Variants in RBFOX2 observed in about 807,000 individuals in gnomAD.
RBFOX2 encodes RNA binding protein fox-1 homolog 2.
RBFOX2 carries 10 observed loss-of-function variants against 49.1 expected under a neutral mutation model. The observed-to-expected ratio is 0.20, with a 90% CI of 0.13 to 0.35. RBFOX2 has a LOEUF of 0.35. Ranked by LOEUF, RBFOX2 falls within the 10% of genes least tolerant of loss-of-function variation. The probability of loss-of-function intolerance (pLI) is 1.00; values close to 1 mark genes in which losing one functional copy is unlikely to be tolerated. For missense variants in RBFOX2, 323 were observed against 486.9 expected (o/e 0.66, Z 3.17); for synonymous variants, 183 against 187.4 (o/e 0.98, Z 0.19).
At chr22:36,025,574 A>C (rs2059400507) in intron 1 of RBFOX2, among the ~76,000 whole-genome samples, 1 of 152,178 alleles carries the variant, frequency 6.6e-6, no homozygotes, top group African/African-American at 2.4e-5. Context: ...TGCTTAATAA[A>C]TGTTAGTTCA....
chr22:35,755,360 G>A (rs920930718), intron 9 of RBFOX2, among the ~76,000 whole-genome samples: 6 of 152,138 alleles, frequency 3.9e-5, no homozygotes, highest in Non-Finnish European at 5.9e-5. Flanking sequence ...AACCAATCAT[G>A]GAACTTTAGT....
Position 35,782,152 on chromosome 22 carries a change from T to C in RBFOX2, c.253-406A>G, listed in dbSNP as rs572844587. Among the ~76,000 whole-genome samples, 276 of 152,346 alleles carry C rather than the reference T, an allele frequency of 1.8e-3. 3 individuals are homozygous for C. Among genetic ancestry groups the C allele is most frequent in the South Asian group, 0.017 (83 of 4,826 alleles). On this transcript the variant is annotated intron_variant, in intron 2 of 11. Transcript: ENST00000405409. ...AAATAGAGTCTGTTGTACTTAGTTA[T>C]GGAGGTCACTTCATTTTTTGGTCTA...
At chr22:36,027,060 C>A (rs2059466143) in intron 1 of RBFOX2, among the ~76,000 whole-genome samples, 1 of 137,052 alleles carries the variant, frequency 7.3e-6, no homozygotes, top group Non-Finnish European at 1.5e-5. Flanking sequence ...ACCCAAGTCA[C>A]CATCTTCTCT....
At chr22:36,011,604 C>T (rs1392718561) in intron 1 of RBFOX2, among the ~76,000 whole-genome samples, 2 of 152,096 alleles carry the variant, frequency 1.3e-5, no homozygotes, top group East Asian at 1.9e-4. Flanking sequence ...ATTACGTAGG[C>T]ACTGTCTCTA....
intron 1 of RBFOX2, among the ~76,000 whole-genome samples, chr22:35,849,519 A>G (rs918121276): frequency 6.6e-6 from 1 of 152,226 alleles, no homozygotes; most frequent in African/African-American, 2.4e-5. Context: ...TCATTCCACC[A>G]TAAAGCTTCA....
intron 1 of RBFOX2, among the ~76,000 whole-genome samples, chr22:35,984,695 CA>C (rs1177459814): frequency 6.6e-6 from 1 of 152,002 alleles, no homozygotes; most frequent in East Asian, 1.9e-4. Flanking sequence ...CTTTCTGTAT[CA>C]AAAATAGCTT....
intron 1 of RBFOX2, among the ~76,000 whole-genome samples, chr22:35,958,258 C>T (rs2055811510): frequency 6.6e-6 from 1 of 152,164 alleles, no homozygotes; most frequent in African/African-American, 2.4e-5. Flanking sequence ...GGACAAGTTA[C>T]TCACCTTTCT....
rs938510160 is a variant in RBFOX2 at position 35,786,540 on chromosome 22, G to GC, written c.253-4795dup. ...CAAGATACCAGAAGCACCCTGGGGG[G>GC]CCCCCACCAGTCACGGTTCCCCTGG... On this transcript the variant is annotated intron_variant, in intron 2 of 11. Transcript: ENST00000405409. Among the ~76,000 whole-genome samples the GC allele has an allele frequency of 2.6e-5, 4 of 152,112 alleles. No individual in the cohort carries two copies. The East Asian group carries it at 7.7e-4, about 29-fold the overall frequency.
chr22:35,985,936 ATAG>A (rs2057699988), intron 1 of RBFOX2, among the ~76,000 whole-genome samples: 2 of 151,940 alleles, frequency 1.3e-5, no homozygotes, highest in Non-Finnish European at 2.9e-5. Context: ...AGATAGATAG[ATAG>A]ATAGATAGAT....
intron 1 of RBFOX2, among the ~76,000 whole-genome samples, chr22:35,913,986 C>T (rs2149531098): frequency 6.6e-6 from 1 of 152,206 alleles, no homozygotes; most frequent in East Asian, 1.9e-4. Context: ...CATTTACTTG[C>T]TCTAGTAGCG....
At chr22:35,945,474 C>T (rs146089959) in intron 1 of RBFOX2, among the ~76,000 whole-genome samples, 2 of 152,238 alleles carry the variant, frequency 1.3e-5, no homozygotes, top group Non-Finnish European at 2.9e-5. Context: ...CTCACACTGT[C>T]GCCCAGGCTG....
At chr22:35,888,037 C>T (rs2046805210) in intron 1 of RBFOX2, among the ~76,000 whole-genome samples, 1 of 152,150 alleles carries the variant, frequency 6.6e-6, no homozygotes, top group Admixed American at 6.5e-5. Flanking sequence ...TGGCCTCATA[C>T]TACACAGAGT....
chr22:35,770,972 G>C (rs979639752), intron 4 of RBFOX2, among the ~76,000 whole-genome samples: 1 of 152,156 alleles, frequency 6.6e-6, no homozygotes, highest in Non-Finnish European at 1.5e-5. Context: ...TTTCCCTGGG[G>C]TGATAGGAGG....
At chr22:35,854,166 T>A (rs369336247) in intron 1 of RBFOX2, among the ~76,000 whole-genome samples, 1 of 152,108 alleles carries the variant, frequency 6.6e-6, no homozygotes, top group East Asian at 1.9e-4. Flanking sequence ...GAGCCGAGAC[T>A]GTGCCACTGC....
At chr22:35,978,121 G>A (rs540278062) in intron 1 of RBFOX2, among the ~76,000 whole-genome samples, 2 of 152,086 alleles carry the variant, frequency 1.3e-5, no homozygotes, top group Non-Finnish European at 2.9e-5. Context: ...GCTACACTGA[G>A]CAAATAAGTA....
chr22:35,991,737 GAAGT>G, intron 1 of RBFOX2, among the ~76,000 whole-genome samples: 1 of 152,292 alleles, frequency 6.6e-6, no homozygotes, highest in East Asian at 1.9e-4. Context: ...CTCTCTGAAT[GAAGT>G]TACTTATGAT....
At chr22:35,946,973 C>T (rs769041456) in intron 1 of RBFOX2, among the ~76,000 whole-genome samples, 3 of 152,156 alleles carry the variant, frequency 2.0e-5, no homozygotes, top group Non-Finnish European at 4.4e-5. Context: ...GGGAGGATCA[C>T]CTGAGGTCAG....
intron 1 of RBFOX2, among the ~76,000 whole-genome samples, chr22:35,957,991 G>C (rs2055776459): frequency 6.6e-6 from 1 of 152,084 alleles, no homozygotes; most frequent in African/African-American, 2.4e-5. Context: ...ATTAGCCTCA[G>C]AGTATAAAAG....
chr22:35,961,932 G>T (rs1361998027), upstream of RBFOX2, among the ~76,000 whole-genome samples: 2 of 152,070 alleles, frequency 1.3e-5, no homozygotes, highest in East Asian at 1.9e-4. Context: ...CAACCCAAAA[G>T]CAAGTAGTGA....
Sources: allele counts gnomAD v4.1 joint callset (sites outside exome capture counted in the v4.1 genomes callset), GRCh38; gene constraint gnomAD v4.1.1; transcripts MANE v1.5; gene names NCBI Gene and HGNC (gene_info 2026-07-23, HGNC 2026-07-21).